The following GPC5 variants were observed in gnomAD, a reference collection of about 807,000 sequenced individuals.
The protein encoded by GPC5 is glypican 5.
In GPC5, 47 loss-of-function variants were observed where a neutral mutation model predicts 53.9. The ratio of observed to expected loss-of-function variants is 0.87; its 90% CI spans 0.69 to 1.11. The LOEUF is 1.11. GPC5 is among the 50% of genes most tolerant of loss of function. The pLI is 0.00. For synonymous variants in GPC5, 286 were observed against 263.3 expected, an observed-to-expected ratio of 1.09 and a Z score of -0.84; for missense variants, 748 against 713.1, an observed-to-expected ratio of 1.05 and a Z score of -0.56.
intron 6 of GPC5, among the ~76,000 whole-genome samples, chr13:91,956,888 A>G (rs1413539317): frequency 6.6e-6 from 1 of 152,204 alleles, no homozygotes; most frequent in African/African-American, 2.4e-5. Flanking sequence ...ATGTGAAGAT[A>G]TCAAAGTAAG....
intron 7 of GPC5, among the ~76,000 whole-genome samples, chr13:92,840,005 T>C (rs900627843): frequency 6.7e-6 from 1 of 150,258 alleles, no homozygotes; most frequent in Non-Finnish European, 1.5e-5. Flanking sequence ...TGTGGTAATA[T>C]TGGCATGAAG....
chr13:92,657,591 T>G (rs921272175), intron 7 of GPC5, among the ~76,000 whole-genome samples: 14 of 148,658 alleles, frequency 9.4e-5, no homozygotes, highest in African/African-American at 2.7e-4. Context: ...TTTTTTTTTT[T>G]TTTTTTTTTT....
At chr13:92,844,924 T>C (rs1340404105) in intron 7 of GPC5, among the ~76,000 whole-genome samples, 1 of 152,116 alleles carries the variant, frequency 6.6e-6, no homozygotes. Context: ...ACCTTTATAT[T>C]CTCTGTCCAC....
chr13:91,822,623 C>T (rs532447464), intron 5 of GPC5, among the ~76,000 whole-genome samples: 3 of 152,150 alleles, frequency 2.0e-5, no homozygotes, highest in African/African-American at 7.2e-5. Flanking sequence ...GAAAACAGCA[C>T]AGGAAAAACT....
At chr13:92,131,407 C>T (rs371652799) in intron 6 of GPC5, among the ~76,000 whole-genome samples, 19 of 151,826 alleles carry the variant, frequency 1.3e-4, no homozygotes, top group Admixed American at 1.1e-3. Flanking sequence ...ATTCAATTAG[C>T]GTTATTTATA....
At chr13:91,634,448 A>G (rs1322902104) in intron 2 of GPC5, among the ~76,000 whole-genome samples, 1 of 151,830 alleles carries the variant, frequency 6.6e-6, no homozygotes, top group Non-Finnish European at 1.5e-5. Flanking sequence ...TTTTTTTTCT[A>G]TAATCTTGAT....
At chr13:91,966,992 A>T (rs1410305470) in intron 6 of GPC5, among the ~76,000 whole-genome samples, 1 of 152,206 alleles carries the variant, frequency 6.6e-6, no homozygotes, top group East Asian at 1.9e-4. Context: ...TCCATATTGT[A>T]TTAGCATACT....
chr13:92,641,769 A>G (rs1885601368), intron 7 of GPC5, among the ~76,000 whole-genome samples: 1 of 152,186 alleles, frequency 6.6e-6, no homozygotes, highest in African/African-American at 2.4e-5. Context: ...CTAGTTCAAG[A>G]GTATCCTTTT....
At chr13:91,700,126 A>G (rs1473646825) in intron 3 of GPC5, among the ~76,000 whole-genome samples, 2 of 151,704 alleles carry the variant, frequency 1.3e-5, no homozygotes, top group African/African-American at 2.4e-5. Context: ...CTTATTTTGG[A>G]GATTTGACCC....
chr13:92,346,041 A>G (rs886255782), intron 7 of GPC5, among the ~76,000 whole-genome samples: 3 of 152,158 alleles, frequency 2.0e-5, no homozygotes, highest in Non-Finnish European at 4.4e-5. Context: ...TTTGCCTCAG[A>G]GCATGACCTA....
In GPC5 at chr13:92,186,811, C is replaced by T. The variant is rs141693724; in HGVS notation, c.1561+41822C>T. On this transcript the variant is annotated intron_variant, in intron 7 of 7. Transcript: ENST00000377067. ...ATACAAGTATGTTTCAGTGGAAGATCATTATGCCCACATTACCTAAAAATT... is the reference window on the plus strand; with the variant it reads ...ATACAAGTATGTTTCAGTGGAAGATTATTATGCCCACATTACCTAAAAATT... Among the ~76,000 whole-genome samples, 351 of 152,182 alleles carry T rather than the reference C, an allele frequency of 2.3e-3. 3 individuals are homozygous for T. The highest frequency in any genetic ancestry group is 2.0e-3 in the Non-Finnish European group (139 of 68,012).
chr13:91,775,608 G>C (rs935829928), intron 5 of GPC5, among the ~76,000 whole-genome samples: 13 of 152,130 alleles, frequency 8.5e-5, no homozygotes, highest in African/African-American at 2.9e-4. Flanking sequence ...TTTGGGGCAG[G>C]CATTTCAGTT....
intron 1 of GPC5, among the ~76,000 whole-genome samples, chr13:91,418,406 G>A (rs572052790): frequency 6.6e-6 from 1 of 152,282 alleles, no homozygotes; most frequent in South Asian, 2.1e-4. Context: ...ACCAAGGAGT[G>A]CTAGGATCAG....
Position 92,826,478 on chromosome 13 carries a change from T to C in GPC5, c.1562-39804T>C, listed in dbSNP as rs148105646. On this transcript the variant is annotated intron_variant, in intron 7 of 7. Transcript: ENST00000377067. ...CCTTGTGAGAAACTAAGAAGAGGAC[T>C]TAAGACAAGCACAGACTTCTGACCC... Among the ~76,000 whole-genome samples the C allele has an allele frequency of 1.1e-3, 160 of 152,248 alleles. 1 individual carries two copies. The highest frequency in any genetic ancestry group is 3.8e-3 in the African/African-American group (158 of 41,556).
At chr13:92,184,063 T>C (rs547974148) in intron 7 of GPC5, among the ~76,000 whole-genome samples, 3 of 152,136 alleles carry the variant, frequency 2.0e-5, no homozygotes. Flanking sequence ...CAAATTCATA[T>C]GGCTCTAATC....
chr13:91,936,785 G>C (rs1027149178), intron 6 of GPC5, among the ~76,000 whole-genome samples: 13 of 151,980 alleles, frequency 8.6e-5, no homozygotes, highest in African/African-American at 3.1e-4. Flanking sequence ...CAATTTGTTT[G>C]AGAGTCTGCA....
At chr13:91,478,885 A>G (rs1213868110) in intron 2 of GPC5, among the ~76,000 whole-genome samples, 1 of 117,636 alleles carries the variant, frequency 8.5e-6, no homozygotes, top group African/African-American at 3.7e-5. Flanking sequence ...TACACATTAT[A>G]TATATATATA....
At position 91,863,961 on chromosome 13, in the gene GPC5, TA is replaced by T. The variant is rs527793997; in HGVS notation, c.1281-43973del. On this transcript the variant is annotated intron_variant, in intron 5 of 7. Coordinates refer to ENST00000377067, the MANE Select transcript of GPC5 (RefSeq NM_004466.6). ...GTTCTATTTCTCTGCAGAACTCTAT[TA>T]AAGAAGTTATTGAGTATTATTTACA... Among the ~76,000 whole-genome samples, 80 of 152,192 alleles carry T rather than the reference TA, an allele frequency of 5.3e-4. 2 individuals are homozygous for T. Among genetic ancestry groups the T allele is most frequent in the Non-Finnish European group, 3.2e-4 (22 of 68,020 alleles).
chr13:92,497,937 G>A (rs965744436), intron 7 of GPC5, among the ~76,000 whole-genome samples: 1 of 151,976 alleles, frequency 6.6e-6, no homozygotes, highest in Non-Finnish European at 1.5e-5. Context: ...TTTGCACATT[G>A]CTTTTGTATC....
Sources: gnomAD v4.1 joint callset for allele counts (sites outside exome capture counted in the v4.1 genomes callset) on GRCh38, gnomAD v4.1.1 for gene constraint, MANE v1.5 for transcripts, NCBI Gene and HGNC (gene_info 2026-07-23, HGNC 2026-07-21) for gene names.